The following PCDH10 variants were observed in gnomAD, a reference collection of about 807,000 sequenced individuals.
PCDH10 encodes the protein protocadherin 10.
In PCDH10, 15 loss-of-function variants were observed where a neutral mutation model predicts 74.4. That is an observed-to-expected ratio of 0.20 (90% CI 0.13 to 0.31). The LOEUF (loss-of-function observed/expected upper bound fraction) is 0.31, where lower values mean the gene tolerates loss of function less well. PCDH10 is among the 10% of genes least tolerant of loss of function. The pLI, the probability that PCDH10 is intolerant of heterozygous loss-of-function variation, is 1.00. For synonymous variants in PCDH10, 619 were observed against 589.8 expected (o/e 1.05, Z -0.72); for missense variants, 1,260 against 1,390.2 (o/e 0.91, Z 1.49).
At chr4:133,173,641 C>A (rs1727239922) in intron 4 of PCDH10, among the ~76,000 whole-genome samples, 1 of 151,868 alleles carries the variant, frequency 6.6e-6, no homozygotes, top group East Asian at 1.9e-4. Context: ...GCATTGGTTT[C>A]ATTTCCCTCC....
At chr4:133,152,792 C>T (rs1254056947) in intron 1 of PCDH10, 21 bp downstream of exon 1, 1 of 1,613,722 alleles carries the variant, frequency 6.2e-7, no homozygotes, top group Non-Finnish European at 8.5e-7. Flanking sequence ...AGCGAAAGGA[C>T]CACCATCTCT....
Position 133,150,948 on chromosome 4 carries a change from A to G in PCDH10, c.808A>G (p.Ile270Val). ...PENSPPGTLV[I>V]QLNATDPDEG... ...GAACTCTCCCCCAGGCACTCTCGTG[A>G]TCCAGCTCAACGCCACCGACCCGGA... Residue 270 changes from isoleucine (I) to valine (V), a missense_variant, in exon 1 of 5, where the codon ATC (isoleucine) becomes GTC (valine). Around this residue, in one of 11 missense-constraint regions of PCDH10, gnomAD observed 192 missense variants for 161.2 expected, o/e 1.19. Transcript: ENST00000264360. 1 of 1,613,912 alleles carries G rather than the reference A, an allele frequency of 6.2e-7. No homozygotes were observed.
At chr4:133,159,402 T>G (rs138188171) in intron 3 of PCDH10, among the ~76,000 whole-genome samples, 13 of 152,158 alleles carry the variant, frequency 8.5e-5, no homozygotes, top group South Asian at 2.1e-4. Context: ...CAGAACAGAT[T>G]ATTTCTGAAA....
rs776491545 is a variant in PCDH10 at position 133,152,309 on chromosome 4, C to T, written c.2169C>T (p.Gly723=). The T allele has an allele frequency of 4.3e-6, 7 of 1,614,216 alleles. No individual in the cohort carries two copies. Among genetic ancestry groups the T allele is most frequent in the Non-Finnish European group, 5.9e-6 (7 of 1,180,048 alleles). The change falls in exon 1 of 5, where the codon GGC becomes GGT. Residue 723 remains glycine (G), a synonymous_variant. Coordinates refer to ENST00000264360, the MANE Select transcript of PCDH10 (RefSeq NM_032961.3). ...DLTLILIIAL[G]SVSFIFLLAM... is the part of the protein sequence containing the mutation. ...CCCTCATCCTCATCATCGCGTTGGGCTCGGTGTCCTTCATCTTCCTGCTGG... is the reference window on the plus strand; with the variant it reads ...CCCTCATCCTCATCATCGCGTTGGGTTCGGTGTCCTTCATCTTCCTGCTGG...
intron 3 of PCDH10, 21 bp from the exon 4 acceptor site, chr4:133,162,956 G>GT (rs1217205612): frequency 6.3e-7 from 1 of 1,591,598 alleles, no homozygotes; most frequent in African/African-American, 1.3e-5. Context: ...TACATCCGTA[G>GT]TTTCTGTTTT....
intron 4 of PCDH10, among the ~76,000 whole-genome samples, chr4:133,168,280 T>C (rs1349575516): frequency 6.6e-6 from 1 of 151,430 alleles, no homozygotes; most frequent in African/African-American, 2.4e-5. Context: ...AAATATCTGG[T>C]CACTTCTGTA....
At chr4:133,207,470 G>T (rs1728032432) in intron 2 of PCDH10, among the ~76,000 whole-genome samples, 1 of 152,092 alleles carries the variant, frequency 6.6e-6, no homozygotes, top group Non-Finnish European at 1.5e-5. Context: ...GGCACATACA[G>T]ACACATTTTA....
In PCDH10 at chr4:133,151,918, C is replaced by T. The variant is rs771704218; in HGVS notation, c.1778C>T (p.Ser593Leu). 4.3e-6 allele frequency: 7 copies of T among 1,612,154 alleles called. No homozygotes were observed. Among genetic ancestry groups the T allele is most frequent in the East Asian group, 4.5e-5 (2 of 44,860 alleles). The change falls in exon 1 of 5, where the codon TCG becomes TTG. Residue 593 changes from serine (S) to leucine (L), a missense_variant. Ser to Leu is a moderately radical substitution (Grantham distance 145). Coordinates refer to ENST00000264360, the MANE Select transcript of PCDH10 (RefSeq NM_032961.3). ...GTPAREVLPR[S>L]AEPGYLLTRV... ...CCAGCGCGTGAGGTGCTGCCCCGCT[C>T]GGCGGAGCCGGGTTACCTGCTCACC...
intron 2 of PCDH10, among the ~76,000 whole-genome samples, chr4:133,202,191 C>A (rs1727920773): frequency 6.6e-6 from 1 of 152,070 alleles, no homozygotes; most frequent in Admixed American, 6.6e-5. Context: ...TTAGTGGTAT[C>A]CTTTTTATGG....
At position 133,190,606 on chromosome 4, in the gene PCDH10, G is replaced by C. The variant is rs1727641933; in HGVS notation, c.*446G>C. 6.4e-6 allele frequency: 1 copy of C among 155,830 alleles called. No homozygotes were observed. The highest frequency in any genetic ancestry group is 2.4e-5 in the African/African-American group (1 of 41,522). 9.7% of individuals were successfully genotyped at this position (155,830 alleles called of 1,614,324 possible). Reference sequence around the variant, plus strand: ...TCCGCAAGCTATTCCAACTTTACAAGAGAAATTGTGATTATGTTCTTTTCA... The same window carrying C: ...TCCGCAAGCTATTCCAACTTTACAACAGAAATTGTGATTATGTTCTTTTCA... On this transcript the variant is annotated 3_prime_UTR_variant, in exon 5 of 5. Transcript: ENST00000264360.
chr4:133,156,912 C>A (rs187837601), intron 3 of PCDH10, among the ~76,000 whole-genome samples: 56 of 152,286 alleles, frequency 3.7e-4, no homozygotes, highest in Non-Finnish European at 6.5e-4. Flanking sequence ...TTCACAGTCA[C>A]TCAGTGTTAC....
chr4:133,199,328 T>TAA (rs1553943450), downstream of PCDH10, among the ~76,000 whole-genome samples: 393 of 133,480 alleles, frequency 2.9e-3, 1 homozygote, highest in East Asian at 0.01. Flanking sequence ...ATAATAATAA[T>TAA]TAATTAAATA....
chr4:133,152,618 C>G lies in PCDH10; in HGVS notation c.2478C>G (p.Thr826=), dbSNP rs1339815625. The change falls in exon 1 of 5, where the codon ACC becomes ACG. Residue 826 remains threonine, a synonymous_variant. Transcript: ENST00000264360. ...NQNYCYQVCL[T]PESAKTDLMF... ...ATTACTGCTATCAGGTATGCCTGACCCCTGAGTCCGCCAAGACCGACCTGA... is the reference window on the plus strand; with the variant it reads ...ATTACTGCTATCAGGTATGCCTGACGCCTGAGTCCGCCAAGACCGACCTGA... 4.3e-6 allele frequency: 7 copies of G among 1,614,056 alleles called. No individual in the cohort carries two copies. Among genetic ancestry groups the G allele is most frequent in the Non-Finnish European group, 5.9e-6 (7 of 1,180,040 alleles).
intron 4 of PCDH10, among the ~76,000 whole-genome samples, chr4:133,188,793 C>A (rs1002384988): frequency 2.0e-5 from 3 of 151,366 alleles, no homozygotes; most frequent in Admixed American, 6.6e-5. Context: ...TCTGCCTCAG[C>A]CTCCCAAGTA....
rs1726757695 is a variant in PCDH10 at position 133,152,630 on chromosome 4, C to G, written c.2490C>G (p.Ala830=). 6.2e-7 allele frequency: 1 copy of G among 1,614,074 alleles called. No individual in the cohort carries two copies. The highest frequency in any genetic ancestry group is 1.3e-5 in the African/African-American group (1 of 74,926). ...CYQVCLTPES[A]KTDLMFLKPC... ...AGGTATGCCTGACCCCTGAGTCCGCCAAGACCGACCTGATGTTTCTTAAGC... is the reference window on the plus strand; with the variant it reads ...AGGTATGCCTGACCCCTGAGTCCGCGAAGACCGACCTGATGTTTCTTAAGC... The change falls in exon 1 of 5, where the codon GCC becomes GCG. Residue 830 remains alanine, a synonymous_variant. Transcript: ENST00000264360.
chr4:133,185,382 T>A (rs1175865287), intron 4 of PCDH10, among the ~76,000 whole-genome samples: 1 of 151,406 alleles, frequency 6.6e-6, no homozygotes, highest in Non-Finnish European at 1.5e-5. Flanking sequence ...TTTCTGGATA[T>A]AAGGTTAAAC....
chr4:133,196,355 A>G (rs1199944955), downstream of PCDH10, among the ~76,000 whole-genome samples: 1 of 152,168 alleles, frequency 6.6e-6, no homozygotes, highest in Non-Finnish European at 1.5e-5. Flanking sequence ...AATCATAGGA[A>G]ATAGAAGCTG....
intron 2 of PCDH10, among the ~76,000 whole-genome samples, chr4:133,204,411 G>A (rs1727963168): frequency 6.6e-6 from 1 of 152,132 alleles, no homozygotes; most frequent in Admixed American, 6.5e-5. Flanking sequence ...TTGATAGGTA[G>A]GACTCAAGCA....
Position 133,151,759 on chromosome 4 carries a change from G to T in PCDH10, c.1619G>T (p.Ser540Ile). ...SFDYEQLKDF[S>I]FQVEARDAGS... is the part of the protein sequence containing the mutation. ...GACTATGAGCAGCTGAAGGACTTCA[G>T]TTTTCAGGTGGAAGCCCGGGACGCT... Residue 540 changes from serine (S) to isoleucine (I), a missense_variant, in exon 1 of 5, where the codon AGT becomes ATT. Transcript: ENST00000264360. The T allele has an allele frequency of 6.2e-7, 1 of 1,613,144 alleles. No homozygotes were observed. The highest frequency in any genetic ancestry group is 8.5e-7 in the Non-Finnish European group (1 of 1,180,052).
Sources: allele counts gnomAD v4.1 joint callset (sites outside exome capture counted in the v4.1 genomes callset), GRCh38; gene constraint gnomAD v4.1.1; regional missense constraint gnomAD v4.1.1; transcripts MANE v1.5; gene names NCBI Gene and HGNC (gene_info 2026-07-23, HGNC 2026-07-21).